Variants in CAMTA1 observed in about 807,000 individuals in gnomAD.
CAMTA1 encodes the protein calmodulin-binding transcription activator 1.
In CAMTA1, 27 loss-of-function variants were observed where a neutral mutation model predicts 170.9. The observed-to-expected ratio is 0.16, with a 90% CI of 0.12 to 0.22. The LOEUF (loss-of-function observed/expected upper bound fraction) is 0.22, where lower values mean the gene tolerates loss of function less well. Ranked by LOEUF, CAMTA1 falls within the 10% of genes least tolerant of loss-of-function variation. The pLI is 1.00. For missense variants in CAMTA1, 1,619 were observed against 2,217.2 expected (o/e 0.73, Z 5.42); for synonymous variants, 833 against 891.5 (o/e 0.93, Z 1.17).
chr1:7,518,136 T>A (rs926781120), intron 6 of CAMTA1, among the ~76,000 whole-genome samples: 12 of 151,950 alleles, frequency 7.9e-5, no homozygotes, highest in African/African-American at 2.7e-4. Flanking sequence ...AGGTTATATT[T>A]AGCAAGCACG....
chr1:7,564,485 C>A (rs1015935404), intron 6 of CAMTA1, among the ~76,000 whole-genome samples: 1 of 152,232 alleles, frequency 6.6e-6, no homozygotes, highest in Non-Finnish European at 1.5e-5. Context: ...CGTGGGAAAA[C>A]GGGCTCCTCT....
At chr1:6,898,023 C>T (rs1325274326) in intron 3 of CAMTA1, among the ~76,000 whole-genome samples, 2 of 152,150 alleles carry the variant, frequency 1.3e-5, no homozygotes, top group Non-Finnish European at 2.9e-5. Flanking sequence ...AAAAACCCTA[C>T]GAATCCAAAG....
chr1:7,393,053 T>TC (rs1335782275), intron 5 of CAMTA1, among the ~76,000 whole-genome samples: 2 of 77,746 alleles, frequency 2.6e-5, no homozygotes, highest in Non-Finnish European at 6.1e-5. Flanking sequence ...ACTATATCTC[T>TC]TAAAAAAAAA....
intron 5 of CAMTA1, among the ~76,000 whole-genome samples, chr1:7,446,236 A>G (rs184790851): frequency 3.3e-5 from 5 of 151,796 alleles, no homozygotes; most frequent in Non-Finnish European, 7.4e-5. Flanking sequence ...GTGAAAATGT[A>G]AAAACACGAC....
intron 5 of CAMTA1, among the ~76,000 whole-genome samples, chr1:7,380,479 CAGG>C (rs1404660615): frequency 2.6e-5 from 4 of 152,208 alleles, no homozygotes; most frequent in African/African-American, 7.2e-5. Context: ...GAGGCTGAGG[CAGG>C]AGAACTGCTT....
At chr1:7,130,264 A>G (rs923366960) in intron 4 of CAMTA1, among the ~76,000 whole-genome samples, 2 of 152,128 alleles carry the variant, frequency 1.3e-5, no homozygotes, top group Non-Finnish European at 2.9e-5. Context: ...TAATCAGCAT[A>G]GTTATTTTGA....
intron 3 of CAMTA1, among the ~76,000 whole-genome samples, chr1:6,890,099 A>C (rs773840015): frequency 1.4e-4 from 21 of 152,194 alleles, no homozygotes; most frequent in Non-Finnish European, 2.5e-4. Context: ...TCAGGCAGAG[A>C]GGGACTCTGA....
intron 5 of CAMTA1, among the ~76,000 whole-genome samples, chr1:7,462,197 G>A (rs896090498): frequency 6.6e-6 from 1 of 151,830 alleles, no homozygotes; most frequent in Non-Finnish European, 1.5e-5. Context: ...GTGTGATCTC[G>A]GCTCACCACA....
intron 6 of CAMTA1, among the ~76,000 whole-genome samples, chr1:7,492,870 C>T (rs111063528): frequency 0.63 from 80,651 of 127,060 alleles, 27,056 homozygotes; most frequent in African/African-American, 0.82. Flanking sequence ...TACAAACACA[C>T]GCGCACATGC....
At chr1:6,926,937 C>T (rs1191089880) in intron 3 of CAMTA1, among the ~76,000 whole-genome samples, 1 of 151,718 alleles carries the variant, frequency 6.6e-6, no homozygotes, top group Non-Finnish European at 1.5e-5. Flanking sequence ...TGCTTTGTTG[C>T]CCAGGCTGGT....
chr1:7,085,534 G>A (rs1395130524), intron 3 of CAMTA1, among the ~76,000 whole-genome samples: 1 of 152,260 alleles, frequency 6.6e-6, no homozygotes, highest in African/African-American at 2.4e-5. Flanking sequence ...GAAAGTCTGA[G>A]CAGTGCAGCC....
intron 3 of CAMTA1, among the ~76,000 whole-genome samples, chr1:6,986,105 C>T (rs1056755378): frequency 3.9e-5 from 6 of 152,202 alleles, no homozygotes; most frequent in Non-Finnish European, 7.3e-5. Flanking sequence ...TGTGCCTTTC[C>T]CCTGTTGCCC....
At chr1:7,082,809 C>A (rs1002406062) in intron 3 of CAMTA1, among the ~76,000 whole-genome samples, 1 of 152,218 alleles carries the variant, frequency 6.6e-6, no homozygotes, top group African/African-American at 2.4e-5. Context: ...CTTGACACAA[C>A]CCTTCCTTCT....
intron 6 of CAMTA1, among the ~76,000 whole-genome samples, chr1:7,623,538 C>T (rs907892446): frequency 6.6e-5 from 10 of 152,218 alleles, no homozygotes; most frequent in African/African-American, 2.4e-4. Flanking sequence ...AGGCACCTCG[C>T]CCTCAAGCAT....
intron 1 of CAMTA1, among the ~76,000 whole-genome samples, chr1:6,786,251 C>A: frequency 6.6e-6 from 1 of 152,088 alleles, no homozygotes; most frequent in East Asian, 2.0e-4. Flanking sequence ...ACCCCTCCCC[C>A]TTCGCTTCCC....
intron 5 of CAMTA1, among the ~76,000 whole-genome samples, chr1:7,314,643 A>G (rs1301468109): frequency 3.9e-5 from 6 of 152,258 alleles, no homozygotes; most frequent in Non-Finnish European, 7.3e-5. Flanking sequence ...GTGAAAAAGA[A>G]CAAGAGCAGA....
intron 6 of CAMTA1, among the ~76,000 whole-genome samples, chr1:7,484,882 C>T (rs191039433): frequency 2.5e-3 from 385 of 152,280 alleles, no homozygotes; most frequent in African/African-American, 8.8e-3. Context: ...CTGAGCTGGG[C>T]CCACAAAGAC....
At chr1:7,011,451 G>A (rs117960110) in intron 3 of CAMTA1, among the ~76,000 whole-genome samples, 5 of 152,134 alleles carry the variant, frequency 3.3e-5, no homozygotes, top group East Asian at 3.9e-4. Context: ...TCTTTCTAGC[G>A]CCCTCTGAGA....
At chr1:7,754,341 T>G (rs1298347719) in intron 21 of CAMTA1, among the ~76,000 whole-genome samples, 1 of 152,226 alleles carries the variant, frequency 6.6e-6, no homozygotes, top group Non-Finnish European at 1.5e-5. Flanking sequence ...GTGCTAGACT[T>G]TTTCCTCCTT....
Sources: gnomAD v4.1 joint callset for allele counts (sites outside exome capture counted in the v4.1 genomes callset) on GRCh38, gnomAD v4.1.1 for gene constraint, MANE v1.5 for transcripts, NCBI Gene and HGNC (gene_info 2026-07-23, HGNC 2026-07-21) for gene names.